Variants in ITGB5 observed in about 807,000 individuals in gnomAD.
ITGB5 encodes the protein integrin subunit beta 5, also known as integrin beta-5.
A neutral mutation model predicts 84.8 loss-of-function variants in ITGB5; 38 were observed. The ratio of observed to expected loss-of-function variants is 0.45; its 90% CI spans 0.35 to 0.59. The LOEUF (loss-of-function observed/expected upper bound fraction) is 0.59, where lower values mean the gene tolerates loss of function less well. Ranked by LOEUF, ITGB5 falls within the 20% of genes least tolerant of loss-of-function variation. ITGB5 has a pLI of 0.01. For synonymous variants in ITGB5, 393 were observed against 414.4 expected, an observed-to-expected ratio of 0.95 and a Z score of 0.63; for missense variants, 905 against 1,034.5, an observed-to-expected ratio of 0.87 and a Z score of 1.72.
intron 1 of ITGB5, among the ~76,000 whole-genome samples, chr3:124,886,604 G>T (rs903303294): frequency 4.6e-5 from 7 of 151,948 alleles, no homozygotes; most frequent in Non-Finnish European, 1.0e-4. Context: ...GGAGAGCCCG[G>T]GCCCCAAGGC....
At chr3:124,830,787 C>T (rs532919750) in intron 5 of ITGB5, among the ~76,000 whole-genome samples, 2 of 152,234 alleles carry the variant, frequency 1.3e-5, no homozygotes, top group South Asian at 4.2e-4. Flanking sequence ...AGTTTGAGAC[C>T]GGCCTGGCCA....
At chr3:124,896,486 T>A (rs1419178841) in intron 1 of ITGB5, among the ~76,000 whole-genome samples, 2 of 152,168 alleles carry the variant, frequency 1.3e-5, no homozygotes, top group African/African-American at 4.8e-5. Context: ...TGGTGCCTCA[T>A]GCCTGTAATC....
At chr3:124,766,059 CAAAAAA>C (rs376914121) in intron 13 of ITGB5, among the ~76,000 whole-genome samples, 161 bp downstream of exon 13, 10 of 104,446 alleles carry the variant, frequency 9.6e-5, no homozygotes, top group East Asian at 2.8e-4. Context: ...CAGCCTGTGT[CAAAAAA>C]AAAAAAAAAA....
intron 13 of ITGB5, 101 bp downstream of exon 13, chr3:124,766,125 G>T: frequency 8.2e-7 from 1 of 1,218,850 alleles, no homozygotes; most frequent in African/African-American, 1.5e-5. Context: ...TCAAAAGGCC[G>T]ATGAGGACAG....
At chr3:124,815,677 A>C (rs532797123) in intron 8 of ITGB5, among the ~76,000 whole-genome samples, 4 of 152,268 alleles carry the variant, frequency 2.6e-5, no homozygotes, top group South Asian at 4.2e-4. Context: ...ATTGAGACCC[A>C]AGCGGCTCAC....
intron 10 of ITGB5, among the ~76,000 whole-genome samples, chr3:124,777,840 C>G (rs2063946741): frequency 6.6e-6 from 1 of 152,246 alleles, no homozygotes; most frequent in Admixed American, 6.5e-5. Context: ...CCAAATGTCT[C>G]AGCTCCTGCA....
At chr3:124,783,433 C>T (rs1355491810) in intron 10 of ITGB5, among the ~76,000 whole-genome samples, 1 of 152,102 alleles carries the variant, frequency 6.6e-6, no homozygotes, top group African/African-American at 2.4e-5. Flanking sequence ...TGCTGGTCTG[C>T]CTCATCTCAT....
chr3:124,846,635 T>C (rs2065082083), intron 4 of ITGB5, among the ~76,000 whole-genome samples: 1 of 152,124 alleles, frequency 6.6e-6, no homozygotes, highest in Non-Finnish European at 1.5e-5. Context: ...GAAGACATTA[T>C]ATTAAACGCA....
At chr3:124,810,245 A>T (rs2107539065) in intron 8 of ITGB5, among the ~76,000 whole-genome samples, 1 of 152,368 alleles carries the variant, frequency 6.6e-6, no homozygotes, top group Middle Eastern at 3.4e-3. Flanking sequence ...GAAGGCAGAG[A>T]CAAAGGCATA....
chr3:124,859,301 G>C lies in ITGB5; in HGVS notation c.302C>G (p.Ser101Cys). 6.2e-7 allele frequency: 1 copy of C among 1,614,172 alleles called. No homozygotes were observed. The highest frequency in any genetic ancestry group is 1.1e-5 in the South Asian group (1 of 91,076). The change falls in exon 3 of 15, where the codon TCT becomes TGT. Residue 101 changes from serine to cysteine, a missense_variant. Coordinates refer to ENST00000296181, the MANE Select transcript of ITGB5 (RefSeq NM_002213.5). ...SLPLSSKGSGSAGWDVIQMTP... is the reference protein window; with the variant it reads ...SLPLSSKGSGCAGWDVIQMTP... ...CATCTGAATGACGTCCCAGCCTGCAGAGCCCGAACCCTTGCTGCTGAGGGG... is the reference window on the plus strand; with the variant it reads ...CATCTGAATGACGTCCCAGCCTGCACAGCCCGAACCCTTGCTGCTGAGGGG...
At chr3:124,841,818 T>TA (rs2065015522) in intron 4 of ITGB5, among the ~76,000 whole-genome samples, 3 of 152,222 alleles carry the variant, frequency 2.0e-5, no homozygotes, top group Admixed American at 2.0e-4. Flanking sequence ...GAAACAGAGA[T>TA]AATAGTAGGC....
chr3:124,816,753 C>T (rs912976261), intron 8 of ITGB5, among the ~76,000 whole-genome samples: 5 of 152,122 alleles, frequency 3.3e-5, no homozygotes, highest in East Asian at 1.9e-4. Context: ...TCTGTGGATG[C>T]GTGGCTTGGA....
In ITGB5 at chr3:124,766,189, TGGCTGAGTG is replaced by T. The variant is rs747043666; in HGVS notation, c.2137+28_2137+36del. On this transcript the variant is annotated intron_variant, in intron 13 of 14. Coordinates refer to ENST00000296181, the MANE Select transcript of ITGB5 (RefSeq NM_002213.5). The stretch of plus-strand genomic sequence containing the variant: ...GGCATCAGAAATCAGAACTGAGGGC[TGGCTGAGTG>T]GGCCGAGCCCTTGCAGCCCTCACCT... The T allele has an allele frequency of 2.1e-5, 34 of 1,601,364 alleles. 1 individual carries two copies. The South Asian group carries it at 3.7e-4, about 17-fold the overall frequency.
intron 6 of ITGB5, 37 bp from the exon 7 acceptor site, chr3:124,819,871 T>C (rs2064673265): frequency 1.4e-6 from 2 of 1,450,928 alleles, no homozygotes; most frequent in African/African-American, 2.8e-5. Context: ...ATGACATTCC[T>C]AACAGGTGTA....
At chr3:124,826,876 A>G (rs189838033) in intron 5 of ITGB5, among the ~76,000 whole-genome samples, 3 of 152,336 alleles carry the variant, frequency 2.0e-5, no homozygotes, top group East Asian at 3.9e-4. Flanking sequence ...GGTGTTAACA[A>G]ACTTGGCCCA....
chr3:124,859,343 T>C lies in ITGB5; in HGVS notation c.260A>G (p.His87Arg), dbSNP rs1209975008. The change falls in exon 3 of 15, where the codon CAT becomes CGT. Residue 87 changes from histidine to arginine, a missense_variant. By Grantham distance (29) the His-to-Arg change is conservative. Transcript: ENST00000296181. ...GCTGAGGGGCAGGCTCCTCAGGACA[T>C]GGAAGCTGCTGGCTGGGCTCTCTAT... is the stretch of plus-strand genomic sequence containing the variant. ...GEIESPASSF[H>R]VLRSLPLSSK... 2 of 1,614,082 alleles carry C rather than the reference T, an allele frequency of 1.2e-6. No homozygotes were observed. The highest frequency in any genetic ancestry group is 1.7e-5 in the Admixed American group (1 of 60,016).
At chr3:124,792,300 G>A (rs2064160766) in intron 10 of ITGB5, 1 of 152,214 alleles carries the variant, frequency 6.6e-6, no homozygotes, top group Non-Finnish European at 1.5e-5. Context: ...CACTAACTTA[G>A]AGGAAGGTTT....
intron 2 of ITGB5, among the ~76,000 whole-genome samples, chr3:124,872,860 T>A (rs1934123920): frequency 6.6e-6 from 1 of 152,134 alleles, no homozygotes; most frequent in Admixed American, 6.5e-5. Flanking sequence ...GCAATCCTCC[T>A]GCCTTGGCCT....
At chr3:124,790,518 C>A in intron 10 of ITGB5, among the ~76,000 whole-genome samples, 1 of 151,938 alleles carries the variant, frequency 6.6e-6, no homozygotes, top group African/African-American at 2.4e-5. Flanking sequence ...GTTATCAGAA[C>A]CGCCTTTGAC....
Sources: allele counts gnomAD v4.1 joint callset (sites outside exome capture counted in the v4.1 genomes callset), GRCh38; gene constraint gnomAD v4.1.1; transcripts MANE v1.5; gene names NCBI Gene and HGNC (gene_info 2026-07-23, HGNC 2026-07-21).